The following SDCCAG8 variants were observed in gnomAD, a reference collection of about 807,000 sequenced individuals.
The protein encoded by SDCCAG8 is serologically defined colon cancer antigen 8.
In SDCCAG8, 74 loss-of-function variants were observed where a neutral mutation model predicts 101.8. The ratio of observed to expected loss-of-function variants is 0.73; its 90% CI spans 0.60 to 0.88. The LOEUF is 0.88. SDCCAG8 is among the 40% of genes least tolerant of loss of function. The pLI, the probability that SDCCAG8 is intolerant of heterozygous loss-of-function variation, is 0.00. For synonymous variants in SDCCAG8, 281 were observed against 292.9 expected, an observed-to-expected ratio of 0.96 and a Z score of 0.41; for missense variants, 787 against 822.6, an observed-to-expected ratio of 0.96 and a Z score of 0.53.
Position 243,308,104 on chromosome 1 carries a change from T to C in SDCCAG8, c.856T>C (p.Cys286Arg), listed in dbSNP as rs762988087. The stretch of plus-strand genomic sequence containing the variant: ...CCGTGTTGGTGGTCTTTGTTTGAAA[T>C]GTGCTCAGCATGAAGCTGTTCTTTC... ...CNRVGGLCLKCAQHEAVLSQT... is the reference protein window; with the variant it reads ...CNRVGGLCLKRAQHEAVLSQT... Residue 286 changes from cysteine (C) to arginine (R), a missense_variant, in exon 8 of 18, where the codon TGT becomes CGT. Transcript: ENST00000366541. 6.2e-7 allele frequency: 1 copy of C among 1,614,220 alleles called. No individual in the cohort carries two copies.
intron 16 of SDCCAG8, among the ~76,000 whole-genome samples, chr1:243,486,505 C>T (rs1289183059): frequency 1.3e-5 from 2 of 152,196 alleles, no homozygotes; most frequent in African/African-American, 2.4e-5. Flanking sequence ...CCTTCCCAGG[C>T]CCCCAGGTTG....
intron 1 of SDCCAG8, among the ~76,000 whole-genome samples, chr1:243,266,059 T>C (rs2149256227): frequency 6.6e-6 from 1 of 152,312 alleles, no homozygotes; most frequent in East Asian, 1.9e-4. Flanking sequence ...AAATTGACAA[T>C]TTATAATTGT....
chr1:243,296,401 A>G (rs1385671489), intron 6 of SDCCAG8, among the ~76,000 whole-genome samples: 1 of 152,046 alleles, frequency 6.6e-6, no homozygotes, highest in African/African-American at 2.4e-5. Flanking sequence ...ATCACCCTAC[A>G]TCTACATTCT....
At chr1:243,464,747 A>AAGGC (rs1659800326) in intron 16 of SDCCAG8, among the ~76,000 whole-genome samples, 1 of 152,220 alleles carries the variant, frequency 6.6e-6, no homozygotes, top group Non-Finnish European at 1.5e-5. Flanking sequence ...ATGGAGGGAA[A>AAGGC]AGGCAGGCAG....
chr1:243,275,462 G>T (rs1222378903), intron 4 of SDCCAG8, among the ~76,000 whole-genome samples: 1 of 152,056 alleles, frequency 6.6e-6, no homozygotes, highest in Admixed American at 6.6e-5. Context: ...ACTTAAGGAG[G>T]CTTTAGATGT....
chr1:243,276,939 A>G (rs957242915), intron 4 of SDCCAG8, among the ~76,000 whole-genome samples: 22 of 152,216 alleles, frequency 1.4e-4, no homozygotes, highest in African/African-American at 5.3e-4. Context: ...ACTTAGTAAT[A>G]TGAATTCAAG....
rs555486448 is a variant in SDCCAG8, at chr1:243,293,894, T to C, written c.675+675T>C. 4.6e-5 allele frequency among the ~76,000 whole-genome samples: 7 copies of C among 152,366 alleles called. No homozygotes were observed. In the East Asian group the frequency reaches 1.3e-3, roughly 29 times the overall value. ...TTTAATTGTCGTTTCTTAAAGTTCA[T>C]CAATTCGTTTTTCTACCTGCTCAAA... On this transcript the variant is annotated intron_variant, in intron 6 of 17. Coordinates refer to ENST00000366541, the MANE Select transcript of SDCCAG8 (RefSeq NM_006642.5).
At chr1:243,470,982 A>G (rs2148190434) in intron 16 of SDCCAG8, among the ~76,000 whole-genome samples, 1 of 152,240 alleles carries the variant, frequency 6.6e-6, no homozygotes, top group South Asian at 2.1e-4. Flanking sequence ...TGTTGTTGTT[A>G]GAGTGCATAA....
At chr1:243,444,327 T>G (rs986684123) in intron 16 of SDCCAG8, among the ~76,000 whole-genome samples, 1 of 152,154 alleles carries the variant, frequency 6.6e-6, no homozygotes, top group African/African-American at 2.4e-5. Context: ...GGCTTAACTT[T>G]ATTTTAGTTC....
intron 12 of SDCCAG8, among the ~76,000 whole-genome samples, chr1:243,375,352 G>A (rs1406037012): frequency 6.6e-6 from 1 of 152,100 alleles, no homozygotes; most frequent in African/African-American, 2.4e-5. Flanking sequence ...TTAATACTAT[G>A]TAACTTAAAT....
chr1:243,304,849 G>T (rs2071924735), intron 7 of SDCCAG8, 72 bp downstream of exon 7: 1 of 937,008 alleles, frequency 1.1e-6, no homozygotes, highest in South Asian at 1.4e-5. Flanking sequence ...AATGTTTGCT[G>T]AACTTCTAGT....
intron 16 of SDCCAG8, among the ~76,000 whole-genome samples, chr1:243,486,721 A>C (rs1664957986): frequency 6.6e-6 from 1 of 152,236 alleles, no homozygotes; most frequent in Non-Finnish European, 1.5e-5. Context: ...TACTGAGCCC[A>C]TCGGTCCAAA....
intron 12 of SDCCAG8, among the ~76,000 whole-genome samples, chr1:243,364,733 T>C (rs1285333372): frequency 2.0e-5 from 3 of 152,192 alleles, no homozygotes; most frequent in African/African-American, 7.2e-5. Context: ...GTTTTCTTGG[T>C]TTGAGAGAAA....
intron 16 of SDCCAG8, among the ~76,000 whole-genome samples, chr1:243,430,223 C>G (rs960908672): frequency 2.6e-5 from 4 of 152,124 alleles, no homozygotes; most frequent in Admixed American, 2.6e-4. Flanking sequence ...AATTGGCAAA[C>G]TATCTGGCCC....
In SDCCAG8 at chr1:243,499,850, T is replaced by A; in HGVS notation, c.*65T>A. ...ATATTTACATTCATCTGGTTTAGACTTAATATGCCACAACGCACCACGACC... is the reference window on the plus strand; with the variant it reads ...ATATTTACATTCATCTGGTTTAGACATAATATGCCACAACGCACCACGACC... On this transcript the variant is annotated 3_prime_UTR_variant, in exon 18 of 18. Coordinates refer to ENST00000366541, the MANE Select transcript of SDCCAG8 (RefSeq NM_006642.5). The A allele has an allele frequency of 1.3e-6, 2 of 1,501,814 alleles. No individual in the cohort carries two copies. The highest frequency in any genetic ancestry group is 1.8e-6 in the Non-Finnish European group (2 of 1,082,874). 93.0% of individuals were successfully genotyped at this position (1,501,814 alleles called of 1,614,324 possible).
intron 16 of SDCCAG8, among the ~76,000 whole-genome samples, chr1:243,483,942 C>A (rs1664281548): frequency 6.6e-6 from 1 of 152,228 alleles, no homozygotes. Flanking sequence ...CACTGACAAT[C>A]TTTGCCAACC....
At chr1:243,468,210 C>T (rs1032296122) in intron 16 of SDCCAG8, among the ~76,000 whole-genome samples, 1 of 151,464 alleles carries the variant, frequency 6.6e-6, no homozygotes, top group African/African-American at 2.4e-5. Flanking sequence ...TCAATAATAC[C>T]TTCTTCAAAG....
At chr1:243,269,993 C>T in intron 1 of SDCCAG8, 112 bp from the exon 2 acceptor site, 1 of 1,459,718 alleles carries the variant, frequency 6.9e-7, no homozygotes, top group Non-Finnish European at 9.4e-7. Context: ...GCGTTTTTTC[C>T]ATAAAGTACG....
chr1:243,270,178 AC>A lies in SDCCAG8; in HGVS notation c.143del (p.Pro48GlnfsTer55). ...EGDVTIGEDA[P>X]NLSFSTSVGN... ...GCGATGTCACTATTGGAGAAGATGCACCAAATCTTTCTTTTAGCACCAGTGT... is the reference window on the plus strand; with the variant it reads ...GCGATGTCACTATTGGAGAAGATGCACAAATCTTTCTTTTAGCACCAGTGT... On this transcript the variant is annotated frameshift_variant, in exon 2 of 18. Coordinates refer to ENST00000366541, the MANE Select transcript of SDCCAG8 (RefSeq NM_006642.5). LOFTEE classifies it high-confidence loss of function. 1 of 1,614,210 alleles carries A rather than the reference AC, an allele frequency of 6.2e-7. No individual in the cohort carries two copies. The highest frequency in any genetic ancestry group is 8.5e-7 in the Non-Finnish European group (1 of 1,180,034).
Sources: gnomAD v4.1 joint callset for allele counts (sites outside exome capture counted in the v4.1 genomes callset) on GRCh38, gnomAD v4.1.1 for gene constraint, MANE v1.5 for transcripts, NCBI Gene and HGNC (gene_info 2026-07-23, HGNC 2026-07-21) for gene names.